Variants in PCDH15 observed in about 807,000 individuals in gnomAD.
PCDH15 encodes the protein protocadherin related 15, also known as protocadherin-15.
Under a neutral mutation model 178.5 loss-of-function variants are expected in PCDH15, and 129 were observed. That is an observed-to-expected ratio of 0.72 (90% CI 0.63 to 0.84). The LOEUF is 0.84. Ranked by LOEUF, PCDH15 falls within the 40% of genes least tolerant of loss-of-function variation. The pLI, the probability that PCDH15 is intolerant of heterozygous loss-of-function variation, is 0.00. For missense variants in PCDH15, 2,230 were observed against 2,099.9 expected (o/e 1.06, Z -1.21); for synonymous variants, 800 against 732.0 (o/e 1.09, Z -1.50).
rs549803554 is a variant in PCDH15, at chr10:55,626,221, G to A, written c.-156+1404C>T. Among the ~76,000 whole-genome samples, 35 of 152,244 alleles carry A rather than the reference G, an allele frequency of 2.3e-4. 1 individual carries two copies. Among genetic ancestry groups the A allele is most frequent in the Non-Finnish European group, 3.8e-4 (26 of 68,028 alleles). On this transcript the variant is annotated intron_variant, in intron 2 of 5. Coordinates refer to the PCDH15 transcript ENST00000613346. ...AAGCAAGCACAAAGCAGCAGCAGCA[G>A]TTCAAGTTCCAGATTCCACTAGTTG... is the stretch of plus-strand genomic sequence containing the variant.
chr10:55,547,910 T>TGTGTGTGTGAGAGAGA (rs541144266), intron 2 of PCDH15, among the ~76,000 whole-genome samples: 23 of 54,530 alleles, frequency 4.2e-4, no homozygotes, highest in African/African-American at 1.1e-3. Flanking sequence ...TGTGTGTGTG[T>TGTGTGTGTGAGAGAGA]GAGAGAGAGA....
At chr10:55,499,755 C>T (rs950901390) in intron 2 of PCDH15, among the ~76,000 whole-genome samples, 1 of 151,522 alleles carries the variant, frequency 6.6e-6, no homozygotes, top group Non-Finnish European at 1.5e-5. Context: ...TAAAACTCTT[C>T]TAAGTTTAAC....
At chr10:53,871,641 ATAT>A (rs2079865196) in intron 26 of PCDH15, among the ~76,000 whole-genome samples, 1 of 152,106 alleles carries the variant, frequency 6.6e-6, no homozygotes, top group Non-Finnish European at 1.5e-5. Flanking sequence ...TACTTCAGAC[ATAT>A]TATCACACAA....
chr10:53,995,581 G>A (rs776816790), intron 21 of PCDH15, 68 bp downstream of exon 21: 45 of 1,612,198 alleles, frequency 2.8e-5, no homozygotes, highest in South Asian at 1.4e-4. Flanking sequence ...CTTGTGATTC[G>A]GTCATTTATG....
intron 14 of PCDH15, among the ~76,000 whole-genome samples, chr10:54,133,585 A>T (rs1013753919): frequency 6.6e-6 from 1 of 152,190 alleles, no homozygotes; most frequent in Non-Finnish European, 1.5e-5. Flanking sequence ...GCAATATATG[A>T]TAAGCTAGGA....
chr10:54,556,654 A>AT (rs35389224), intron 2 of PCDH15, among the ~76,000 whole-genome samples: 41,933 of 137,444 alleles, frequency 0.31, 7,156 homozygotes, highest in East Asian at 0.51. Context: ...TAGGGGGTGA[A>AT]TTTTTTTTTT....
intron 2 of PCDH15, among the ~76,000 whole-genome samples, chr10:55,083,644 T>G (rs1401411056): frequency 6.6e-6 from 1 of 151,810 alleles, no homozygotes; most frequent in East Asian, 1.9e-4. Flanking sequence ...GCAAATGAAA[T>G]AATCTTATAA....
At chr10:54,024,670 TAGA>T (rs2093028805) in intron 18 of PCDH15, among the ~76,000 whole-genome samples, 1 of 152,268 alleles carries the variant, frequency 6.6e-6, no homozygotes, top group Non-Finnish European at 1.5e-5. Flanking sequence ...TGAGAAAAGA[TAGA>T]AGAATTGCAG....
At chr10:54,711,568 T>C (rs890001198) in intron 1 of PCDH15, among the ~76,000 whole-genome samples, 2 of 151,884 alleles carry the variant, frequency 1.3e-5, no homozygotes, top group African/African-American at 4.8e-5. Context: ...TCTGAGTAGG[T>C]ATAGACCTTA....
At chr10:53,952,784 C>T (rs2087197114) in intron 23 of PCDH15, among the ~76,000 whole-genome samples, 1 of 152,254 alleles carries the variant, frequency 6.6e-6, no homozygotes, top group African/African-American at 2.4e-5. Context: ...CTCTCCCATG[C>T]TCATTGGTGC....
intron 3 of PCDH15, among the ~76,000 whole-genome samples, chr10:54,876,491 C>G (rs1424840010): frequency 6.6e-6 from 1 of 152,134 alleles, no homozygotes; most frequent in Non-Finnish European, 1.5e-5. Context: ...TGAAAACCTT[C>G]TGGAATCACC....
At chr10:55,078,151 C>T (rs1369670235) in intron 2 of PCDH15, among the ~76,000 whole-genome samples, 1 of 152,074 alleles carries the variant, frequency 6.6e-6, no homozygotes, top group African/African-American at 2.4e-5. Flanking sequence ...CCATTCTCTC[C>T]TGGCCTGTAA....
At chr10:53,953,952 G>A (rs2087350786) in intron 23 of PCDH15, among the ~76,000 whole-genome samples, 1 of 152,042 alleles carries the variant, frequency 6.6e-6, no homozygotes, top group Non-Finnish European at 1.5e-5. Flanking sequence ...ACCATGCCTG[G>A]CTAATTTTTT....
chr10:54,296,825 C>A (rs1397634723), intron 8 of PCDH15, among the ~76,000 whole-genome samples: 1 of 152,172 alleles, frequency 6.6e-6, no homozygotes, highest in Non-Finnish European at 1.5e-5. Flanking sequence ...CCCTGGAGAT[C>A]TCTTCCCTCT....
At chr10:55,400,971 G>A (rs1337111406) in intron 2 of PCDH15, among the ~76,000 whole-genome samples, 1 of 151,970 alleles carries the variant, frequency 6.6e-6, no homozygotes, top group Non-Finnish European at 1.5e-5. Flanking sequence ...CCTCCTTTTG[G>A]TAAAAATATA....
intron 1 of PCDH15, among the ~76,000 whole-genome samples, chr10:54,679,463 T>C (rs531250852): frequency 6.6e-6 from 1 of 152,192 alleles, no homozygotes; most frequent in Non-Finnish European, 1.5e-5. Flanking sequence ...TGAAAACACA[T>C]AAGTAAACTA....
chr10:54,231,411 G>A (rs1036376386), intron 9 of PCDH15, among the ~76,000 whole-genome samples: 1 of 152,236 alleles, frequency 6.6e-6, no homozygotes, highest in Non-Finnish European at 1.5e-5. Flanking sequence ...GGAAATGTCT[G>A]GATGTCCAGG....
intron 1 of PCDH15, among the ~76,000 whole-genome samples, chr10:54,743,947 T>C (rs547527145): frequency 1.3e-5 from 2 of 152,142 alleles, no homozygotes; most frequent in African/African-American, 2.4e-5. Context: ...TTAATATTCA[T>C]ATCCTGTCCT....
chr10:55,142,912 C>T (rs908844450), intron 2 of PCDH15, among the ~76,000 whole-genome samples: 5 of 152,030 alleles, frequency 3.3e-5, no homozygotes, highest in African/African-American at 9.7e-5. Flanking sequence ...TTTGGCTCTG[C>T]GTCCCTACCC....
Sources: gnomAD v4.1 joint callset for allele counts (sites outside exome capture counted in the v4.1 genomes callset) on GRCh38, gnomAD v4.1.1 for gene constraint, MANE v1.5 for transcripts, NCBI Gene and HGNC (gene_info 2026-07-23, HGNC 2026-07-21) for gene names.